Variants in SLC19A2 observed in about 807,000 individuals in gnomAD.
SLC19A2 encodes the protein solute carrier family 19 member 2.
SLC19A2 carries 27 observed loss-of-function variants against 44.7 expected under a neutral mutation model. That is an observed-to-expected ratio of 0.60 (90% confidence interval 0.45 to 0.83). SLC19A2 has a LOEUF of 0.83. Ranked by LOEUF, SLC19A2 falls within the 40% of genes least tolerant of loss-of-function variation. The pLI, the probability that SLC19A2 is intolerant of heterozygous loss-of-function variation, is 0.00. For synonymous variants in SLC19A2, 239 were observed against 243.6 expected, an observed-to-expected ratio of 0.98 and a Z score of 0.18; for missense variants, 566 against 613.7, an observed-to-expected ratio of 0.92 and a Z score of 0.82.
intron 1 of SLC19A2, among the ~76,000 whole-genome samples, chr1:169,480,909 T>C (rs991326011): frequency 6.6e-6 from 1 of 152,200 alleles, no homozygotes; most frequent in African/African-American, 2.4e-5. Context: ...TCTTTACTCA[T>C]GAGTCTAATT....
chr1:169,468,639 C>T lies in SLC19A2; in HGVS notation c.1223+5G>A. 2 of 1,612,900 alleles carry T rather than the reference C, an allele frequency of 1.2e-6. No homozygotes were observed. Among genetic ancestry groups the T allele is most frequent in the Non-Finnish European group, 1.7e-6 (2 of 1,179,100 alleles). Reference sequence around the variant, plus strand: ...CCTAAGGCTTCTATGAGCCAAAATACATACGTTGCTATCGTGATGAGTAAC... The same window carrying T: ...CCTAAGGCTTCTATGAGCCAAAATATATACGTTGCTATCGTGATGAGTAAC... On this transcript the variant is annotated splice_donor_5th_base_variant and intron_variant, in intron 4 of 5. Coordinates refer to ENST00000236137, the MANE Select transcript of SLC19A2 (RefSeq NM_006996.3).
At chr1:169,479,610 G>A (rs1051745914) in intron 1 of SLC19A2, among the ~76,000 whole-genome samples, 1 of 152,214 alleles carries the variant, frequency 6.6e-6, no homozygotes, top group Admixed American at 6.5e-5. Flanking sequence ...TAGAGGACAA[G>A]CTGACAAGGA....
At chr1:169,480,744 T>G (rs1486807707) in intron 1 of SLC19A2, among the ~76,000 whole-genome samples, 1 of 152,216 alleles carries the variant, frequency 6.6e-6, no homozygotes, top group Non-Finnish European at 1.5e-5. Context: ...TAGTTCATCT[T>G]CCTTTGTTTT....
chr1:169,482,901 A>C, intron 1 of SLC19A2, among the ~76,000 whole-genome samples: 1 of 152,182 alleles, frequency 6.6e-6, no homozygotes, highest in East Asian at 1.9e-4. Context: ...GAGGCTCTGA[A>C]TATCAGGCAA....
chr1:169,475,098 TCTG>T (rs1402569660), intron 2 of SLC19A2, among the ~76,000 whole-genome samples: 2 of 152,244 alleles, frequency 1.3e-5, no homozygotes, highest in Admixed American at 6.5e-5. Flanking sequence ...TTTAAAATGC[TCTG>T]CTTTTTCTAT....
At chr1:169,472,422 A>G (rs1173231492) in intron 2 of SLC19A2, among the ~76,000 whole-genome samples, 1 of 152,222 alleles carries the variant, frequency 6.6e-6, no homozygotes, top group African/African-American at 2.4e-5. Context: ...TTCTATTAGA[A>G]ATCCTACCAT....
rs1199294216 is a variant in SLC19A2, at chr1:169,464,338, T to C, written c.*1511A>G. The C allele has an allele frequency of 6.6e-6, 1 of 152,472 alleles. No individual in the cohort carries two copies. Among genetic ancestry groups the C allele is most frequent in the Non-Finnish European group, 1.5e-5 (1 of 68,004 alleles). 9.4% of individuals were successfully genotyped at this position (152,472 alleles called of 1,614,324 possible). On this transcript the variant is annotated 3_prime_UTR_variant, in exon 6 of 6. Coordinates refer to ENST00000236137, the MANE Select transcript of SLC19A2 (RefSeq NM_006996.3). ...TGTAAAATGAAGGTTGCTACTTTTA[T>C]GATATCACTTCCCTTTCCCTTCCTT... is the stretch of plus-strand genomic sequence containing the variant.
At position 169,477,882 on chromosome 1, in the gene SLC19A2, C is replaced by T. The variant is rs577056940; in HGVS notation, c.205-125G>A. On this transcript the variant is annotated intron_variant, in intron 1 of 5. Transcript: ENST00000236137. ...TCAAAGATCTCAACCTTGACAACAG[C>T]AGTTCAGATAACTTTGAAAATGTCT... 134 of 955,302 alleles carry T rather than the reference C, an allele frequency of 1.4e-4. No individual in the cohort carries two copies. The South Asian group carries it at 1.9e-3, about 13-fold the overall frequency. The allele number at this position is 955,302 out of a possible 1,614,324, so 59.2% of individuals were successfully genotyped here.
intron 2 of SLC19A2, among the ~76,000 whole-genome samples, chr1:169,471,296 T>G (rs558015371): frequency 2.0e-5 from 3 of 152,134 alleles, no homozygotes; most frequent in Non-Finnish European, 2.9e-5. Context: ...TCAGGTGATT[T>G]TTTATTTTTT....
intron 2 of SLC19A2, among the ~76,000 whole-genome samples, chr1:169,472,751 G>A (rs780780160): frequency 3.9e-5 from 6 of 152,288 alleles, no homozygotes; most frequent in African/African-American, 7.2e-5. Context: ...TCAGCACCTC[G>A]TGCTATAATC....
intron 3 of SLC19A2, 46 bp downstream of exon 3, chr1:169,469,918 G>A: frequency 1.3e-6 from 2 of 1,547,158 alleles, no homozygotes; most frequent in Non-Finnish European, 1.8e-6. Flanking sequence ...AACTACCAGA[G>A]GAATCCCTCC....
chr1:169,470,589 G>A (rs185316788), intron 2 of SLC19A2, among the ~76,000 whole-genome samples: 4 of 152,088 alleles, frequency 2.6e-5, no homozygotes, highest in Admixed American at 6.5e-5. Context: ...GCCTCCTATC[G>A]TTATAATTGA....
intron 2 of SLC19A2, 92 bp downstream of exon 2, chr1:169,477,063 T>C: frequency 7.2e-7 from 1 of 1,381,570 alleles, no homozygotes; most frequent in South Asian, 1.2e-5. Flanking sequence ...TCCAAATAAA[T>C]ACAAGATCTA....
intron 2 of SLC19A2, among the ~76,000 whole-genome samples, chr1:169,474,465 G>T (rs1043386922): frequency 2.0e-5 from 3 of 152,090 alleles, no homozygotes; most frequent in Non-Finnish European, 4.4e-5. Flanking sequence ...AGCTCTGCTT[G>T]TAAAAGAAAG....
In SLC19A2 at chr1:169,485,820, C is replaced by T. The variant is rs1460034522; in HGVS notation, c.-54G>A. 2.7e-6 allele frequency: 4 copies of T among 1,490,392 alleles called. No homozygotes were observed. The highest frequency in any genetic ancestry group is 8.9e-7 in the Non-Finnish European group (1 of 1,124,688). 92.3% of individuals were successfully genotyped at this position (1,490,392 alleles called of 1,614,324 possible). The stretch of plus-strand genomic sequence containing the variant: ...CGGCCCCTTCCTTCTCCTCCTCCGC[C>T]AACTGGAGTGAGGGTCAGGCACTTG... On this transcript the variant is annotated 5_prime_UTR_variant, in exon 1 of 6. Transcript: ENST00000236137.
intron 1 of SLC19A2, among the ~76,000 whole-genome samples, chr1:169,483,314 TTTTTA>T (rs1258886828): frequency 6.6e-6 from 1 of 152,226 alleles, no homozygotes; most frequent in African/African-American, 2.4e-5. Context: ...CATGTAATTT[TTTTTA>T]TTTAACTGTC....
chr1:169,476,628 G>A (rs1658321114), intron 2 of SLC19A2, among the ~76,000 whole-genome samples: 1 of 152,136 alleles, frequency 6.6e-6, no homozygotes, highest in African/African-American at 2.4e-5. Flanking sequence ...GCTGGGGCAG[G>A]AGAACTGCTT....
intron 3 of SLC19A2, among the ~76,000 whole-genome samples, chr1:169,469,495 C>T (rs1028252049): frequency 2.0e-5 from 3 of 152,148 alleles, no homozygotes; most frequent in Admixed American, 6.5e-5. Context: ...ACCTACCAGT[C>T]CCAAGTTTCC....
chr1:169,478,681 C>T (rs1658382986), intron 1 of SLC19A2, among the ~76,000 whole-genome samples: 1 of 151,712 alleles, frequency 6.6e-6, no homozygotes, highest in African/African-American at 2.4e-5. Context: ...TAGCCTCAAA[C>T]TCTCCTAATA....
Sources: allele counts gnomAD v4.1 joint callset (sites outside exome capture counted in the v4.1 genomes callset), GRCh38; gene constraint gnomAD v4.1.1; transcripts MANE v1.5; gene names NCBI Gene and HGNC (gene_info 2026-07-23, HGNC 2026-07-21).